Variants in CDH12 observed in about 807,000 individuals in gnomAD.
CDH12 encodes the protein cadherin-12.
Under a neutral mutation model 74.1 loss-of-function variants are expected in CDH12, and 41 were observed. The observed-to-expected ratio is 0.55, with a 90% CI of 0.43 to 0.72. The LOEUF (loss-of-function observed/expected upper bound fraction) is 0.72. Ranked by LOEUF, CDH12 falls within the 30% of genes least tolerant of loss-of-function variation. The pLI is 0.00. For synonymous variants in CDH12, 399 were observed against 355.0 expected (o/e 1.12, Z -1.39); for missense variants, 945 against 977.2 (o/e 0.97, Z 0.44).
intron 2 of CDH12, among the ~76,000 whole-genome samples, chr5:22,487,234 TCAGGTGATCCACCCTCC>T (rs1746644196): frequency 6.6e-6 from 1 of 151,968 alleles, no homozygotes; most frequent in Non-Finnish European, 1.5e-5. Context: ...ACTCCTGACC[TCAGGTGATCCACCCTCC>T]TTGACCTCCC....
At chr5:22,395,051 T>C (rs1742399766) in intron 3 of CDH12, among the ~76,000 whole-genome samples, 1 of 152,118 alleles carries the variant, frequency 6.6e-6, no homozygotes, top group African/African-American at 2.4e-5. Context: ...CCAGAACATG[T>C]AAATGCTAAC....
Position 22,756,347 on chromosome 5 carries a change from G to C in CDH12, c.-523+96711C>G, listed in dbSNP as rs373333070. 1.8e-4 allele frequency among the ~76,000 whole-genome samples: 28 copies of C among 152,076 alleles called. 1 individual carries two copies. In the East Asian group the frequency reaches 4.1e-3, roughly 22 times the overall value. On this transcript the variant is annotated intron_variant, in intron 1 of 14. Coordinates refer to ENST00000382254, the MANE Select transcript of CDH12 (RefSeq NM_004061.5). ...AGTTCCCTTTAGAAACCTTTATTTAGTTAGGAATGACACACTTCAGTCAGT... is the reference window on the plus strand; with the variant it reads ...AGTTCCCTTTAGAAACCTTTATTTACTTAGGAATGACACACTTCAGTCAGT...
intron 2 of CDH12, among the ~76,000 whole-genome samples, chr5:22,453,172 T>C (rs995045891): frequency 1.3e-5 from 2 of 152,182 alleles, no homozygotes; most frequent in Admixed American, 1.3e-4. Context: ...AAAACCAGTA[T>C]GGAGGTTTCT....
At chr5:21,903,303 A>T (rs536156467) in intron 6 of CDH12, among the ~76,000 whole-genome samples, 1 of 152,216 alleles carries the variant, frequency 6.6e-6, no homozygotes, top group South Asian at 2.1e-4. Context: ...TTTATGAGAA[A>T]CAAGGTTGGT....
chr5:22,021,334 C>A (rs1737959520), intron 5 of CDH12, among the ~76,000 whole-genome samples: 1 of 152,044 alleles, frequency 6.6e-6, no homozygotes, highest in African/African-American at 2.4e-5. Context: ...TCTGTTCCAC[C>A]TGTATTATTC....
intron 1 of CDH12, among the ~76,000 whole-genome samples, chr5:22,594,653 G>T (rs1161677168): frequency 6.6e-6 from 1 of 152,134 alleles, no homozygotes; most frequent in Non-Finnish European, 1.5e-5. Flanking sequence ...CTGAACTAGC[G>T]CAAGAAGTAG....
chr5:22,151,807 G>A (rs896522183), intron 4 of CDH12: 2 of 152,044 alleles, frequency 1.3e-5, no homozygotes, highest in Non-Finnish European at 2.9e-5. Context: ...AGATTTTATT[G>A]TATCTTTTAC....
chr5:22,617,032 T>C (rs1338231286), intron 1 of CDH12, among the ~76,000 whole-genome samples: 3 of 151,936 alleles, frequency 2.0e-5, no homozygotes, highest in African/African-American at 4.8e-5. Flanking sequence ...AGACAGCTAA[T>C]TTTTTGTGTT....
intron 1 of CDH12, among the ~76,000 whole-genome samples, chr5:22,706,044 T>C (rs1339510327): frequency 6.6e-6 from 1 of 152,066 alleles, no homozygotes; most frequent in Non-Finnish European, 1.5e-5. Flanking sequence ...AGAGAGTGAG[T>C]AAATGTATTT....
chr5:22,676,794 A>C (rs1390711088), intron 1 of CDH12, among the ~76,000 whole-genome samples: 1 of 152,008 alleles, frequency 6.6e-6, no homozygotes, highest in Non-Finnish European at 1.5e-5. Context: ...TCTTTGAAAA[A>C]ATATGGAGAA....
At position 22,115,723 on chromosome 5, in the gene CDH12, C is replaced by G. The variant is rs1010187125; in HGVS notation, c.-186-36861G>C. Reference sequence around the variant, plus strand: ...TTTTTTTTTTTTTGAGACAGACTCTCGCCCTGTCACCAGGCTGGAATGCAG... The same window carrying G: ...TTTTTTTTTTTTTGAGACAGACTCTGGCCCTGTCACCAGGCTGGAATGCAG... On this transcript the variant is annotated intron_variant, in intron 4 of 14. Transcript: ENST00000382254. Among the ~76,000 whole-genome samples the G allele has an allele frequency of 1.5e-5, 2 of 137,084 alleles. 1 individual carries two copies. The highest frequency in any genetic ancestry group is 1.6e-4 in the Admixed American group (2 of 12,900). 89.9% of individuals were successfully genotyped at this position (137,084 alleles called of 152,430 possible).
At chr5:22,752,574 C>CT (rs1312937004) in intron 1 of CDH12, among the ~76,000 whole-genome samples, 28 of 26,934 alleles carry the variant, frequency 1.0e-3, no homozygotes, top group Non-Finnish European at 1.3e-3. Flanking sequence ...TTTTTTTTTT[C>CT]TTTTTTTTTT....
At chr5:22,847,856 C>A (rs1737376301) in intron 1 of CDH12, among the ~76,000 whole-genome samples, 1 of 151,712 alleles carries the variant, frequency 6.6e-6, no homozygotes, top group Non-Finnish European at 1.5e-5. Context: ...TATGATCAGC[C>A]TCTTTCTTTT....
At chr5:22,794,608 C>G (rs1390288871) in intron 1 of CDH12, among the ~76,000 whole-genome samples, 1 of 151,838 alleles carries the variant, frequency 6.6e-6, no homozygotes, top group Non-Finnish European at 1.5e-5. Context: ...CAGAAAAGGA[C>G]CAAGATTTAG....
At chr5:22,585,556 T>C (rs752921937) in intron 1 of CDH12, among the ~76,000 whole-genome samples, 3 of 152,096 alleles carry the variant, frequency 2.0e-5, no homozygotes, top group Non-Finnish European at 4.4e-5. Flanking sequence ...ATGTTACATA[T>C]TCTCATTCTA....
At chr5:22,731,486 T>C (rs1294714895) in intron 1 of CDH12, among the ~76,000 whole-genome samples, 1 of 151,862 alleles carries the variant, frequency 6.6e-6, no homozygotes, top group Non-Finnish European at 1.5e-5. Flanking sequence ...AAAGTTAAAA[T>C]GTGAAAATTA....
chr5:21,789,266 TG>T (rs1166040131), intron 10 of CDH12, among the ~76,000 whole-genome samples: 29 of 152,128 alleles, frequency 1.9e-4, no homozygotes, highest in Non-Finnish European at 3.7e-4. Flanking sequence ...CTGCCCCTCC[TG>T]GTAAGATATT....
intron 1 of CDH12, among the ~76,000 whole-genome samples, chr5:22,637,395 G>A (rs1244658031): frequency 1.3e-5 from 2 of 152,170 alleles, no homozygotes; most frequent in Admixed American, 6.5e-5. Context: ...CAGCTACAAG[G>A]TAACCCTGAA....
intron 1 of CDH12, among the ~76,000 whole-genome samples, chr5:22,641,979 C>A (rs1388585086): frequency 6.6e-6 from 1 of 152,030 alleles, no homozygotes; most frequent in Non-Finnish European, 1.5e-5. Flanking sequence ...TTTTTGTAGG[C>A]CAAGCTCAAT....
Sources: gnomAD v4.1 joint callset for allele counts (sites outside exome capture counted in the v4.1 genomes callset) on GRCh38, gnomAD v4.1.1 for gene constraint, MANE v1.5 for transcripts, NCBI Gene and HGNC (gene_info 2026-07-23, HGNC 2026-07-21) for gene names.